The following NOX4 variants were observed in gnomAD, a reference collection of about 807,000 sequenced individuals.
NOX4 encodes the protein kidney oxidase-1.
Under a neutral mutation model 87.6 loss-of-function variants are expected in NOX4, and 69 were observed. That is an observed-to-expected ratio of 0.79 (90% CI 0.65 to 0.96). NOX4 has a LOEUF of 0.96. Ranked by LOEUF, NOX4 falls within the 40% of genes least tolerant of loss-of-function variation. The pLI, the probability that NOX4 is intolerant of heterozygous loss-of-function variation, is 0.00. For synonymous variants in NOX4, 275 were observed against 238.2 expected (o/e 1.15, Z -1.42); for missense variants, 680 against 681.5 (o/e 1.00, Z 0.02).
At chr11:89,506,726 G>A in the NOX4 span, among the ~76,000 whole-genome samples, 2 of 151,740 alleles carry the variant, frequency 1.3e-5, no homozygotes, top group Non-Finnish European at 2.9e-5. Flanking sequence ...AGACCTTTAC[G>A]ACTTAATGAT....
chr11:89,480,023 G>C (rs542165058), intron 2 of NOX4, among the ~76,000 whole-genome samples: 3 of 152,042 alleles, frequency 2.0e-5, no homozygotes, highest in Non-Finnish European at 4.4e-5. Flanking sequence ...AGGAAAAGTC[G>C]GTCCTTAGTA....
the NOX4 span, among the ~76,000 whole-genome samples, chr11:89,570,617 G>C: frequency 6.6e-6 from 1 of 152,176 alleles, no homozygotes; most frequent in Non-Finnish European, 1.5e-5. Flanking sequence ...AGGATCACTT[G>C]ACCCCAGAGT....
At chr11:89,526,296 A>T in the NOX4 span, among the ~76,000 whole-genome samples, 1 of 152,138 alleles carries the variant, frequency 6.6e-6, no homozygotes, top group South Asian at 2.1e-4. Context: ...GGTACATCTG[A>T]TATATTTTGA....
chr11:89,587,465 C>G, the NOX4 span, among the ~76,000 whole-genome samples: 5 of 143,458 alleles, frequency 3.5e-5, no homozygotes, highest in African/African-American at 1.3e-4. Flanking sequence ...ACATGTGGAA[C>G]AAAGGTGGGA....
the NOX4 span, among the ~76,000 whole-genome samples, chr11:89,562,709 T>C: frequency 1.3e-5 from 2 of 152,352 alleles, no homozygotes; most frequent in East Asian, 1.9e-4. Flanking sequence ...CCTTGAAGAA[T>C]GGGCTCCTCC....
the NOX4 span, among the ~76,000 whole-genome samples, chr11:89,549,562 A>G: frequency 6.6e-6 from 1 of 152,266 alleles, no homozygotes; most frequent in Admixed American, 6.5e-5. Context: ...ACATAGGTAT[A>G]CATGTGCCAT....
chr11:89,387,557 A>G (rs1461940987), intron 11 of NOX4, among the ~76,000 whole-genome samples: 1 of 152,136 alleles, frequency 6.6e-6, no homozygotes, highest in African/African-American at 2.4e-5. Context: ...GACGCATGTG[A>G]CAGTTTGTTC....
At chr11:89,515,090 G>C in the NOX4 span, among the ~76,000 whole-genome samples, 1 of 151,982 alleles carries the variant, frequency 6.6e-6, no homozygotes, top group African/African-American at 2.4e-5. Context: ...GCAAGCCTTT[G>C]TGTGAACAGT....
chr11:89,397,740 A>G (rs1941584115), intron 11 of NOX4, among the ~76,000 whole-genome samples: 1 of 152,132 alleles, frequency 6.6e-6, no homozygotes, highest in Non-Finnish European at 1.5e-5. Flanking sequence ...TCCTCGACAC[A>G]TACACCCTCC....
intron 2 of NOX4, among the ~76,000 whole-genome samples, chr11:89,484,765 C>T (rs531747300): frequency 3.9e-5 from 6 of 151,962 alleles, no homozygotes; most frequent in African/African-American, 1.2e-4. Flanking sequence ...CCCATTTCAC[C>T]CATCAATAAA....
At chr11:89,437,675 G>A (rs1160466316) in intron 6 of NOX4, among the ~76,000 whole-genome samples, 1 of 152,052 alleles carries the variant, frequency 6.6e-6, no homozygotes, top group Non-Finnish European at 1.5e-5. Flanking sequence ...CTAGGACCCT[G>A]CATACTCTAG....
chr11:89,487,846 T>G (rs2135490214), intron 2 of NOX4, among the ~76,000 whole-genome samples: 1 of 152,304 alleles, frequency 6.6e-6, no homozygotes, highest in African/African-American at 2.4e-5. Flanking sequence ...GCCTGCAAAT[T>G]GTTACTCTAT....
chr11:89,332,028 G>C (rs1427407091), intron 17 of NOX4, among the ~76,000 whole-genome samples: 3 of 151,792 alleles, frequency 2.0e-5, no homozygotes, highest in African/African-American at 7.2e-5. Context: ...ACCTTTGATG[G>C]AATGAGTGGA....
intron 2 of NOX4, among the ~76,000 whole-genome samples, chr11:89,459,595 C>A (rs1025201486): frequency 6.6e-6 from 1 of 152,034 alleles, no homozygotes; most frequent in African/African-American, 2.4e-5. Flanking sequence ...AGGAATCCAA[C>A]TTACAAGGGA....
the NOX4 span, among the ~76,000 whole-genome samples, chr11:89,525,474 C>A: frequency 6.6e-6 from 1 of 151,960 alleles, no homozygotes; most frequent in Non-Finnish European, 1.5e-5. Flanking sequence ...TTGCATTTCA[C>A]TGAAGTTGAG....
intron 7 of NOX4, among the ~76,000 whole-genome samples, chr11:89,424,165 A>G (rs172742): frequency 0.056 from 8,455 of 151,968 alleles, 838 homozygotes; most frequent in African/African-American, 0.19. Context: ...TAGTGAACAT[A>G]TATCTTTTGT....
chr11:89,439,593 T>C (rs1380366539), intron 6 of NOX4, among the ~76,000 whole-genome samples: 1 of 152,182 alleles, frequency 6.6e-6, no homozygotes, highest in Non-Finnish European at 1.5e-5. Context: ...CAATACTTAA[T>C]TGGGTATTAC....
upstream of NOX4, among the ~76,000 whole-genome samples, chr11:89,500,965 G>A (rs913153958): frequency 4.6e-5 from 7 of 152,110 alleles, no homozygotes; most frequent in South Asian, 6.2e-4. Flanking sequence ...CACATTAGGG[G>A]GCAGGTAGAA....
At chr11:89,340,330 T>C (rs1590962225) in intron 14 of NOX4, among the ~76,000 whole-genome samples, 159 bp from the exon 15 acceptor site, 1 of 152,222 alleles carries the variant, frequency 6.6e-6, no homozygotes, top group African/African-American at 2.4e-5. Context: ...TAGCGTCTGA[T>C]AGCACGAGAC....
Sources: gnomAD v4.1 joint callset for allele counts (sites outside exome capture counted in the v4.1 genomes callset) on GRCh38, gnomAD v4.1.1 for gene constraint, MANE v1.5 for transcripts, NCBI Gene and HGNC (gene_info 2026-07-23, HGNC 2026-07-21) for gene names.